Variants in TMPRSS9 observed in about 807,000 individuals in gnomAD.
The protein encoded by TMPRSS9 is transmembrane protease serine 9.
In TMPRSS9, 113 loss-of-function variants were observed where a neutral mutation model predicts 111.4. The observed-to-expected ratio is 1.01, with a 90% CI of 0.87 to 1.19. TMPRSS9 has a LOEUF of 1.19. Ranked by LOEUF, TMPRSS9 falls within the 50% of genes most tolerant of loss-of-function variation. The pLI is 0.00. For synonymous variants in TMPRSS9, 805 were observed against 659.1 expected (o/e 1.22, Z -3.39); for missense variants, 1,803 against 1,513.1 (o/e 1.19, Z -3.18).
intron 1 of TMPRSS9, among the ~76,000 whole-genome samples, chr19:2,393,488 G>C (rs1970642489): frequency 6.6e-6 from 1 of 152,170 alleles, no homozygotes; most frequent in Non-Finnish European, 1.5e-5. Context: ...CCATCTTTAA[G>C]AAATGTAACA....
At chr19:2,379,183 T>C (rs931436504) in intron 1 of TMPRSS9, among the ~76,000 whole-genome samples, 1 of 135,910 alleles carries the variant, frequency 7.4e-6, no homozygotes, top group African/African-American at 2.8e-5. Flanking sequence ...TTCTTTCTCT[T>C]TTTTTTTTTT....
At chr19:2,387,592 G>A (rs1217298562), upstream of TMPRSS9, among the ~76,000 whole-genome samples, 1 of 151,642 alleles carries the variant, frequency 6.6e-6, no homozygotes, top group African/African-American at 2.4e-5. Flanking sequence ...AAGGGAGAAA[G>A]GAAAATGAGC....
chr19:2,367,017 C>T (rs1358953267), intron 1 of TMPRSS9, among the ~76,000 whole-genome samples: 1 of 152,076 alleles, frequency 6.6e-6, no homozygotes, highest in Admixed American at 6.6e-5. Context: ...CTCGAGCATC[C>T]TGACAACATG....
In TMPRSS9 at chr19:2,401,196, C is replaced by A. The variant is rs923295584; in HGVS notation, c.515-779C>A. ...CGCTGAGGCAGGAGAATAGCGTGAA[C>A]CCGGGAGGCGGAGCTTGAAGTGAGC... On this transcript the variant is annotated intron_variant, in intron 4 of 17. Transcript: ENST00000648592. Among the ~76,000 whole-genome samples the A allele has an allele frequency of 7.9e-5, 12 of 152,204 alleles. No individual in the cohort carries two copies. The South Asian group carries it at 8.3e-4, about 11-fold the overall frequency.
chr19:2,404,397 G>A (rs1211756544), intron 6 of TMPRSS9, among the ~76,000 whole-genome samples: 1 of 151,956 alleles, frequency 6.6e-6, no homozygotes, highest in Non-Finnish European at 1.5e-5. Context: ...TAGAATAAAG[G>A]CTGGGTGCAG....
chr19:2,396,418 G>A, intron 1 of TMPRSS9, 121 bp from the exon 3 acceptor site: 1 of 1,233,762 alleles, frequency 8.1e-7, no homozygotes, highest in Non-Finnish European at 1.1e-6. Flanking sequence ...CCACCCCACT[G>A]CGTGTCAGGA....
chr19:2,423,271 C>G (rs1183326577), intron 14 of TMPRSS9, among the ~76,000 whole-genome samples: 2 of 151,684 alleles, frequency 1.3e-5, no homozygotes, highest in Non-Finnish European at 2.9e-5. Flanking sequence ...GTGGAGAAGG[C>G]CCCCCTCAAA....
At chr19:2,415,986 G>A (rs1161691802) in intron 11 of TMPRSS9, 145 bp downstream of exon 12, 15 of 1,029,748 alleles carry the variant, frequency 1.5e-5, no homozygotes, top group Non-Finnish European at 1.7e-5. Context: ...GAGACAGGAG[G>A]GAGCCGGTGC....
intron 1 of TMPRSS9, among the ~76,000 whole-genome samples, chr19:2,383,646 A>C (rs1049555600): frequency 6.8e-6 from 1 of 146,872 alleles, no homozygotes; most frequent in Middle Eastern, 3.2e-3. Context: ...TCTACAAAGA[A>C]ATTTTTTAAC....
rs562410816 is a variant in TMPRSS9, at chr19:2,379,730, T to C, written c.-25-10031T>C. Among the ~76,000 whole-genome samples the C allele has an allele frequency of 2.7e-3, 387 of 145,528 alleles. 3 individuals carry two copies. Among genetic ancestry groups the C allele is most frequent in the Middle Eastern group, 0.021 (6 of 284 alleles). The stretch of plus-strand genomic sequence containing the variant: ...CCTCTCTCCCTTCCTCTTTTTCTCT[T>C]TCTCTCTCTCTCTCTCTCTCATTCT... On this transcript the variant is annotated intron_variant, in intron 1 of 17. Transcript: ENST00000649857.
At chr19:2,413,830 G>A (rs757385459) in exon 10 of TMPRSS9, 19 of 1,613,744 alleles carry the variant, frequency 1.2e-5, no homozygotes, top group Middle Eastern at 1.6e-4. Flanking sequence ...ACCAGGCTAC[G>A]TGACTGGATC....
At chr19:2,420,272 C>T (rs1162703385) in intron 13 of TMPRSS9, among the ~76,000 whole-genome samples, 5 of 152,016 alleles carry the variant, frequency 3.3e-5, no homozygotes, top group Non-Finnish European at 5.9e-5. Flanking sequence ...AACCCTGTCT[C>T]TACTAAAAAA....
upstream of TMPRSS9, among the ~76,000 whole-genome samples, chr19:2,388,127 C>T (rs1970513956): frequency 6.6e-6 from 1 of 152,170 alleles, no homozygotes; most frequent in African/African-American, 2.4e-5. Flanking sequence ...CGCGGTGGCT[C>T]ACGCCGGTAA....
intron 14 of TMPRSS9, 22 bp from the exon 16 acceptor site, chr19:2,424,067 C>G (rs1971532033): frequency 7.9e-7 from 1 of 1,260,558 alleles, no homozygotes; most frequent in Admixed American, 4.2e-5. Flanking sequence ...TCCGCCTGCC[C>G]ACGCGCCTGG....
intron 1 of TMPRSS9, among the ~76,000 whole-genome samples, chr19:2,365,115 C>T (rs564949130): frequency 6.6e-6 from 1 of 152,196 alleles, no homozygotes; most frequent in Admixed American, 6.5e-5. Context: ...AATGATACAA[C>T]TCATAAGTGA....
chr19:2,375,979 C>A (rs578196218), intron 1 of TMPRSS9, among the ~76,000 whole-genome samples: 1 of 152,190 alleles, frequency 6.6e-6, no homozygotes, highest in East Asian at 1.9e-4. Flanking sequence ...ATGCCAGATG[C>A]CCAGTAAACC....
intron 1 of TMPRSS9, among the ~76,000 whole-genome samples, 74 bp downstream of exon 1, chr19:2,360,434 C>A (rs977068372): frequency 1.3e-5 from 2 of 152,342 alleles, no homozygotes; most frequent in Admixed American, 1.3e-4. Flanking sequence ...ATTCGCCAAG[C>A]CCCGGGGCTG....
Position 2,369,597 on chromosome 19 carries a change from A to AT in TMPRSS9, c.-26+9261dup, listed in dbSNP as rs71178266. 6.5e-3 allele frequency among the ~76,000 whole-genome samples: 715 copies of AT among 110,360 alleles called. 5 individuals carry two copies. Among genetic ancestry groups the AT allele is most frequent in the Middle Eastern group, 0.02 (4 of 200 alleles). 72.4% of individuals were successfully genotyped at this position (110,360 alleles called of 152,430 possible). The stretch of plus-strand genomic sequence containing the variant: ...GTGCTACCACCCTGGCTAATTTGTA[A>AT]TTTTTTTTTTTTTTTTTTTTTTTTA... On this transcript the variant is annotated intron_variant, in intron 1 of 17. Coordinates refer to the TMPRSS9 transcript ENST00000649857.
chr19:2,408,284 G>A (rs1334688770), intron 7 of TMPRSS9, 72 bp from the exon 9 acceptor site: 15 of 1,501,536 alleles, frequency 1.0e-5, no homozygotes, highest in African/African-American at 1.4e-5. Flanking sequence ...TGCACCCAAG[G>A]CGAGTGTCCC....
Sources: gnomAD v4.1 joint callset for allele counts (sites outside exome capture counted in the v4.1 genomes callset) on GRCh38, gnomAD v4.1.1 for gene constraint, MANE v1.5 for transcripts, NCBI Gene and HGNC (gene_info 2026-07-23, HGNC 2026-07-21) for gene names.